The following SH3BGRL2 variants were observed in gnomAD, a reference collection of about 807,000 sequenced individuals.
SH3BGRL2 encodes SH3 domain-binding glutamic acid-rich-like protein 2.
SH3BGRL2 carries 21 observed loss-of-function variants against 14.8 expected under a neutral mutation model. The observed-to-expected ratio is 1.42, with a 90% confidence interval of 1.01 to 2.05. The LOEUF is 2.05. Ranked by LOEUF, SH3BGRL2 falls within the 30% of genes most tolerant of loss-of-function variation. The probability of loss-of-function intolerance (pLI) is 0.00; values close to 1 mark genes in which losing one functional copy is unlikely to be tolerated. For synonymous variants in SH3BGRL2, 50 were observed against 47.8 expected, an observed-to-expected ratio of 1.05 and a Z score of -0.19; for missense variants, 147 against 130.8, an observed-to-expected ratio of 1.12 and a Z score of -0.61.
the SH3BGRL2 span, among the ~76,000 whole-genome samples, chr6:79,608,195 ACCT>A: frequency 6.6e-6 from 1 of 151,994 alleles, no homozygotes; most frequent in Non-Finnish European, 1.5e-5. Flanking sequence ...TGATCCAATC[ACCT>A]CCTCTAACAC....
At chr6:79,622,600 C>T in the SH3BGRL2 span, among the ~76,000 whole-genome samples, 6 of 152,130 alleles carry the variant, frequency 3.9e-5, no homozygotes, top group Non-Finnish European at 8.8e-5. Flanking sequence ...CACCCCATCC[C>T]CCAACACACA....
In SH3BGRL2 at chr6:79,703,266, T is replaced by G. The variant is rs569230372; in HGVS notation, c.*3757T>G. ...ACAAAGCAGCAGTTTTAGCCAGGGTTCAATGATAGAGTGGAGGTAAATTAA... is the reference window on the plus strand; with the variant it reads ...ACAAAGCAGCAGTTTTAGCCAGGGTGCAATGATAGAGTGGAGGTAAATTAA... On this transcript the variant is annotated 3_prime_UTR_variant, in exon 4 of 4. Coordinates refer to ENST00000369838, the MANE Select transcript of SH3BGRL2 (RefSeq NM_031469.4). 1 of 152,284 alleles carries G rather than the reference T, an allele frequency of 6.6e-6. No homozygotes were observed. The highest frequency in any genetic ancestry group is 1.9e-4 in the East Asian group (1 of 5,182). 9.4% of individuals were successfully genotyped at this position (152,284 alleles called of 1,614,324 possible). A position where few individuals can be genotyped will look rare whatever the true frequency, so the allele number is the denominator to read the frequency against.
At chr6:79,590,766 C>T in the SH3BGRL2 span, among the ~76,000 whole-genome samples, 1 of 151,924 alleles carries the variant, frequency 6.6e-6, no homozygotes, top group Non-Finnish European at 1.5e-5. Flanking sequence ...ATAGCCCAAA[C>T]CTGAGCATCA....
At chr6:79,667,997 AC>A (rs1769695081) in intron 1 of SH3BGRL2, among the ~76,000 whole-genome samples, 1 of 149,210 alleles carries the variant, frequency 6.7e-6, no homozygotes, top group South Asian at 2.2e-4. Context: ...TGTTAAAAAA[AC>A]TCTTATTCAA....
chr6:79,646,253 A>G (rs1326810531), intron 1 of SH3BGRL2, among the ~76,000 whole-genome samples: 1 of 152,174 alleles, frequency 6.6e-6, no homozygotes, highest in African/African-American at 2.4e-5. Flanking sequence ...GAGGACTCAG[A>G]CTGCTTTAAA....
the SH3BGRL2 span, among the ~76,000 whole-genome samples, chr6:79,613,422 C>T: frequency 6.6e-6 from 1 of 152,148 alleles, no homozygotes; most frequent in South Asian, 2.1e-4. Flanking sequence ...ATAGTATGCA[C>T]TATATTAGTC....
chr6:79,556,779 A>G, the SH3BGRL2 span, among the ~76,000 whole-genome samples: 1 of 152,024 alleles, frequency 6.6e-6, no homozygotes, highest in Non-Finnish European at 1.5e-5. Flanking sequence ...TACATGGTTT[A>G]ATTTTGGAAA....
chr6:79,591,737 G>A, the SH3BGRL2 span, among the ~76,000 whole-genome samples: 1 of 152,150 alleles, frequency 6.6e-6, no homozygotes, highest in Non-Finnish European at 1.5e-5. Context: ...TACCAAAGGA[G>A]TTGGTTGAAA....
chr6:79,678,474 A>G (rs1356345070), intron 2 of SH3BGRL2, among the ~76,000 whole-genome samples: 1 of 152,158 alleles, frequency 6.6e-6, no homozygotes, highest in Non-Finnish European at 1.5e-5. Flanking sequence ...TTCCTTCCCT[A>G]TTAAGACTGC....
chr6:79,572,987 C>T, the SH3BGRL2 span, among the ~76,000 whole-genome samples: 3 of 152,190 alleles, frequency 2.0e-5, no homozygotes, highest in Non-Finnish European at 4.4e-5. Flanking sequence ...GATGCACAGA[C>T]ATTTTAAATG....
the SH3BGRL2 span, among the ~76,000 whole-genome samples, chr6:79,562,871 T>C: frequency 1.3e-5 from 2 of 152,218 alleles, no homozygotes; most frequent in African/African-American, 4.8e-5. Flanking sequence ...TACAAATTTG[T>C]GCTGGGCTGC....
chr6:79,606,319 AT>A, the SH3BGRL2 span, among the ~76,000 whole-genome samples: 2 of 152,258 alleles, frequency 1.3e-5, no homozygotes, highest in Admixed American at 1.3e-4. Context: ...CTTCTTAGTC[AT>A]AAACACACCT....
At chr6:79,565,936 G>A in the SH3BGRL2 span, among the ~76,000 whole-genome samples, 1 of 152,148 alleles carries the variant, frequency 6.6e-6, no homozygotes, top group Non-Finnish European at 1.5e-5. Flanking sequence ...GATTATTACT[G>A]GTGCTTTTTC....
chr6:79,578,452 C>T, the SH3BGRL2 span, among the ~76,000 whole-genome samples: 4 of 152,206 alleles, frequency 2.6e-5, no homozygotes, highest in Admixed American at 1.3e-4. Context: ...GCAATATTTG[C>T]TGTACTGCAA....
At chr6:79,585,701 T>C in the SH3BGRL2 span, among the ~76,000 whole-genome samples, 1 of 152,186 alleles carries the variant, frequency 6.6e-6, no homozygotes, top group African/African-American at 2.4e-5. Flanking sequence ...ATTTCTTAAG[T>C]GTTATACTTC....
chr6:79,620,618 A>G, the SH3BGRL2 span, among the ~76,000 whole-genome samples: 1 of 151,994 alleles, frequency 6.6e-6, no homozygotes. Context: ...CAGCCTGAAA[A>G]AAAGGGGAAG....
At chr6:79,574,652 C>G in the SH3BGRL2 span, 1 of 152,156 alleles carries the variant, frequency 6.6e-6, no homozygotes, top group Non-Finnish European at 1.5e-5. Flanking sequence ...CTTAATGCCA[C>G]TGAAATGTAC....
At position 79,702,216 on chromosome 6, in the gene SH3BGRL2, T is replaced by C. The variant is rs962992087; in HGVS notation, c.*2707T>C. 5.2e-5 allele frequency: 8 copies of C among 152,632 alleles called. No homozygotes were observed. Among genetic ancestry groups the C allele is most frequent in the African/African-American group, 1.9e-4 (8 of 41,464 alleles). The allele number at this position is 152,632 out of a possible 1,614,324, so 9.5% of individuals were successfully genotyped here. On this transcript the variant is annotated 3_prime_UTR_variant, in exon 4 of 4. Transcript: ENST00000369838. ...TGTTTTATAGATTTAATTCAATACC[T>C]CCACATAGATGTTTTTATATTACAT...
At chr6:79,568,789 T>A in the SH3BGRL2 span, among the ~76,000 whole-genome samples, 1 of 152,296 alleles carries the variant, frequency 6.6e-6, no homozygotes, top group Admixed American at 6.5e-5. Context: ...GAGTTTTCAT[T>A]CTTAAGCTCA....
Sources: allele counts gnomAD v4.1 joint callset (sites outside exome capture counted in the v4.1 genomes callset), GRCh38; gene constraint gnomAD v4.1.1; transcripts MANE v1.5; gene names NCBI Gene and HGNC (gene_info 2026-07-23, HGNC 2026-07-21).